Variants in WDPCP observed in about 807,000 individuals in gnomAD.
The protein encoded by WDPCP is WD repeat containing planar cell polarity effector, also known as WD repeat-containing and planar cell polarity effector protein fritz homolog.
A neutral mutation model predicts 93.1 loss-of-function variants in WDPCP; 71 were observed. The observed-to-expected ratio is 0.76, with a 90% CI of 0.63 to 0.93. WDPCP has a LOEUF of 0.93. Ranked by LOEUF, WDPCP falls within the 40% of genes least tolerant of loss-of-function variation. The pLI, the probability that WDPCP is intolerant of heterozygous loss-of-function variation, is 0.00. For missense variants in WDPCP, 844 were observed against 887.4 expected (o/e 0.95, Z 0.62); for synonymous variants, 315 against 315.0 (o/e 1.00, Z 0.00).
intron 13 of WDPCP, among the ~76,000 whole-genome samples, chr2:63,282,460 G>T (rs972648098): frequency 6.6e-6 from 1 of 152,112 alleles, no homozygotes; most frequent in African/African-American, 2.4e-5. Flanking sequence ...AGCCGAGATC[G>T]CGCCACTGCA....
At chr2:63,544,817 T>C (rs189320659) in intron 1 of WDPCP, among the ~76,000 whole-genome samples, 165 of 152,326 alleles carry the variant, frequency 1.1e-3, no homozygotes, top group Non-Finnish European at 7.6e-4. Context: ...ATAACTTTTT[T>C]AAATGTGCAT....
intron 14 of WDPCP, among the ~76,000 whole-genome samples, chr2:63,244,636 T>TAAAC: frequency 6.6e-6 from 1 of 152,242 alleles, no homozygotes; most frequent in South Asian, 2.1e-4. Context: ...TAAATTCCTG[T>TAAAC]AAACACACAA....
At chr2:63,404,805 T>C in intron 9 of WDPCP, 148 bp from the exon 10 acceptor site, 8 of 891,052 alleles carry the variant, frequency 9.0e-6, no homozygotes, top group African/African-American at 3.3e-5. Flanking sequence ...AAAGTACATA[T>C]AGCACATCTA....
At chr2:63,597,043 G>A (rs898537127) in intron 3 of WDPCP, among the ~76,000 whole-genome samples, 6 of 152,178 alleles carry the variant, frequency 3.9e-5, no homozygotes, top group Admixed American at 6.5e-5. Flanking sequence ...TAATTTAAAG[G>A]TTAGGTGAAT....
upstream of WDPCP, among the ~76,000 whole-genome samples, chr2:63,832,673 C>A (rs1177715614): frequency 1.3e-5 from 2 of 152,152 alleles, no homozygotes; most frequent in Non-Finnish European, 2.9e-5. Flanking sequence ...CAGTACTCTA[C>A]AGTTTTTAAA....
chr2:63,531,076 C>T (rs1012497978), intron 1 of WDPCP, among the ~76,000 whole-genome samples: 9 of 152,252 alleles, frequency 5.9e-5, no homozygotes, highest in East Asian at 5.8e-4. Context: ...ACGCCCACGG[C>T]GCCTTGCTCA....
rs751262601 is a variant in WDPCP, at chr2:63,752,671, C to T, written n.308+60951G>A. 6.5e-5 allele frequency: 27 copies of T among 415,928 alleles called. 1 individual carries two copies. The highest frequency in any genetic ancestry group is 1.8e-4 in the Admixed American group (5 of 28,308). The allele number at this position is 415,928 out of a possible 1,614,324, so 25.8% of individuals were successfully genotyped here. On this transcript the variant is annotated intron_variant and non_coding_transcript_variant, in intron 2 of 4. Transcript: ENST00000467687. ...GACTTTAGCAACTCTTCCTTGGTAG[C>T]GACCACAGGCAGAAAGAAGTAAGTT...
At chr2:63,413,086 A>C (rs963777652) in intron 9 of WDPCP, among the ~76,000 whole-genome samples, 5 of 152,334 alleles carry the variant, frequency 3.3e-5, no homozygotes, top group Admixed American at 6.5e-5. Context: ...CAAAAAGAAC[A>C]AATCTGGAGG....
At chr2:63,211,899 C>T (rs772017002) in intron 14 of WDPCP, among the ~76,000 whole-genome samples, 41 of 151,958 alleles carry the variant, frequency 2.7e-4, no homozygotes, top group East Asian at 5.8e-4. Flanking sequence ...TGAAATGGAG[C>T]GAGAAGAGAA....
At chr2:63,747,536 C>T (rs1382313305) in intron 2 of WDPCP, among the ~76,000 whole-genome samples, 1 of 151,686 alleles carries the variant, frequency 6.6e-6, no homozygotes, top group Non-Finnish European at 1.5e-5. Flanking sequence ...TATTGAAAAA[C>T]TCATCATTTT....
At chr2:63,579,578 C>G (rs1708353161) in intron 1 of WDPCP, among the ~76,000 whole-genome samples, 1 of 152,028 alleles carries the variant, frequency 6.6e-6, no homozygotes, top group Non-Finnish European at 1.5e-5. Context: ...CCATTGCACT[C>G]CAGCCTGGGC....
chr2:63,818,439 C>T (rs1219261580), intron 1 of WDPCP, among the ~76,000 whole-genome samples: 1 of 152,104 alleles, frequency 6.6e-6, no homozygotes, highest in African/African-American at 2.4e-5. Context: ...ATTACTCTGC[C>T]AGCTGTCAGA....
chr2:63,561,286 G>A (rs1407419852), intron 1 of WDPCP, among the ~76,000 whole-genome samples: 1 of 152,100 alleles, frequency 6.6e-6, no homozygotes, highest in Admixed American at 6.5e-5. Flanking sequence ...AGACCATCCT[G>A]GCTAACATGG....
At chr2:63,199,602 G>A (rs192682274) in intron 14 of WDPCP, among the ~76,000 whole-genome samples, 52 of 152,344 alleles carry the variant, frequency 3.4e-4, no homozygotes, top group African/African-American at 1.2e-3. Flanking sequence ...TGTAAGAGTT[G>A]AGGCTTGGGA....
intron 13 of WDPCP, among the ~76,000 whole-genome samples, chr2:63,303,746 T>C (rs967581618): frequency 6.6e-6 from 1 of 151,970 alleles, no homozygotes; most frequent in African/African-American, 2.4e-5. Flanking sequence ...TCTGGGGCAA[T>C]GGGAATGCTA....
At chr2:63,309,233 A>G (rs1472798177) in intron 13 of WDPCP, among the ~76,000 whole-genome samples, 2 of 152,250 alleles carry the variant, frequency 1.3e-5, no homozygotes, top group African/African-American at 2.4e-5. Context: ...AAACCTGTCC[A>G]TGTACTTCTG....
At chr2:63,305,145 G>T (rs532569590) in intron 13 of WDPCP, among the ~76,000 whole-genome samples, 30 of 152,266 alleles carry the variant, frequency 2.0e-4, no homozygotes, top group Non-Finnish European at 4.3e-4. Flanking sequence ...GAGCACCTGG[G>T]GGAAAGGGCG....
Position 63,480,156 on chromosome 2 carries a change from AT to A in WDPCP, c.384+4447del, listed in dbSNP as rs562577190. Among the ~76,000 whole-genome samples the A allele has an allele frequency of 3.1e-4, 47 of 152,238 alleles. No individual in the cohort carries two copies. The East Asian group carries it at 7.3e-3, about 24-fold the overall frequency. ...TTACAATAGCTGCAAAAGAAAAAAAATATTTAGATATATACCTAACCAAGGA... is the reference window on the plus strand; with the variant it reads ...TTACAATAGCTGCAAAAGAAAAAAAAATTTAGATATATACCTAACCAAGGA... On this transcript the variant is annotated intron_variant, in intron 6 of 17. Transcript: ENST00000272321.
At chr2:63,708,739 G>C (rs1415037923) in intron 2 of WDPCP, among the ~76,000 whole-genome samples, 3 of 152,060 alleles carry the variant, frequency 2.0e-5, no homozygotes, top group African/African-American at 7.2e-5. Flanking sequence ...GATCGGAGCT[G>C]TTCCCATTTG....
Sources: gnomAD v4.1 joint callset for allele counts (sites outside exome capture counted in the v4.1 genomes callset) on GRCh38, gnomAD v4.1.1 for gene constraint, MANE v1.5 for transcripts, NCBI Gene and HGNC (gene_info 2026-07-23, HGNC 2026-07-21) for gene names.